Variants in PRKCA observed in about 807,000 individuals in gnomAD.
The protein encoded by PRKCA is protein kinase C alpha.
A neutral mutation model predicts 87.0 loss-of-function variants in PRKCA; 27 were observed. The observed-to-expected ratio is 0.31, with a 90% confidence interval of 0.23 to 0.43. The LOEUF (loss-of-function observed/expected upper bound fraction) is 0.43, where lower values mean the gene tolerates loss of function less well. PRKCA is among the 20% of genes least tolerant of loss of function. PRKCA has a pLI of 1.00. For missense variants in PRKCA, 518 were observed against 852.3 expected (o/e 0.61, Z 4.88); for synonymous variants, 329 against 311.1 (o/e 1.06, Z -0.61).
At chr17:66,441,719 T>C (rs1913774942) in intron 2 of PRKCA, among the ~76,000 whole-genome samples, 1 of 152,200 alleles carries the variant, frequency 6.6e-6, no homozygotes, top group Non-Finnish European at 1.5e-5. Flanking sequence ...AGTTTTCATG[T>C]TTTTGTTCTC....
At chr17:66,431,269 A>G (rs1294912936) in intron 2 of PRKCA, among the ~76,000 whole-genome samples, 1 of 152,166 alleles carries the variant, frequency 6.6e-6, no homozygotes, top group Admixed American at 6.5e-5. Context: ...TACGTGCTTT[A>G]TGTTGCGCAA....
At chr17:66,748,195 T>C (rs1178125732) in intron 13 of PRKCA, among the ~76,000 whole-genome samples, 1 of 152,216 alleles carries the variant, frequency 6.6e-6, no homozygotes, top group Non-Finnish European at 1.5e-5. Context: ...TCCAGAGAGC[T>C]GAAGAGCCAT....
At chr17:66,777,421 T>TGGG in intron 14 of PRKCA, 1 of 256,682 alleles carries the variant, frequency 3.9e-6, no homozygotes, top group Non-Finnish European at 5.8e-6. Context: ...TTTATTTAGT[T>TGGG]CCCCTCCCCC....
At chr17:66,373,231 C>A (rs1181190554) in intron 2 of PRKCA, among the ~76,000 whole-genome samples, 3 of 152,124 alleles carry the variant, frequency 2.0e-5, no homozygotes, top group African/African-American at 7.2e-5. Flanking sequence ...AAAAAAATAT[C>A]ATAATACAGC....
At chr17:66,429,732 C>A (rs974037805) in intron 2 of PRKCA, among the ~76,000 whole-genome samples, 1 of 152,102 alleles carries the variant, frequency 6.6e-6, no homozygotes, top group Non-Finnish European at 1.5e-5. Flanking sequence ...CCTGCCTGTA[C>A]CTCCCTGCAA....
intron 2 of PRKCA, among the ~76,000 whole-genome samples, chr17:66,340,231 G>GCAATGGC (rs972214982): frequency 6.6e-6 from 1 of 152,102 alleles, no homozygotes; most frequent in Admixed American, 6.5e-5. Context: ...TTACTCCAAA[G>GCAATGGC]CAATGGCCTT....
chr17:66,645,049 A>G (rs1324157509), intron 4 of PRKCA, among the ~76,000 whole-genome samples: 5 of 152,194 alleles, frequency 3.3e-5, no homozygotes, highest in African/African-American at 1.2e-4. Context: ...CTGTGTACAT[A>G]AAATATGAAT....
At chr17:66,650,457 A>C (rs904427880) in intron 5 of PRKCA, among the ~76,000 whole-genome samples, 1 of 152,138 alleles carries the variant, frequency 6.6e-6, no homozygotes, top group African/African-American at 2.4e-5. Flanking sequence ...AAAATCCCTC[A>C]TGGGAACCAA....
chr17:66,592,139 G>C (rs563183488), intron 3 of PRKCA, among the ~76,000 whole-genome samples: 1 of 152,208 alleles, frequency 6.6e-6, no homozygotes, highest in South Asian at 2.1e-4. Flanking sequence ...CAGATCACCT[G>C]AGGTCAGGAG....
In PRKCA at chr17:66,714,013, G is replaced by A. The variant is rs557242243; in HGVS notation, c.919-18675G>A. On this transcript the variant is annotated intron_variant, in intron 8 of 16. Transcript: ENST00000413366. The stretch of plus-strand genomic sequence containing the variant: ...TGCTCACAGCCTGTAGATACCCTTA[G>A]GGTCACAATAATTGTATTAATTTAG... Among the ~76,000 whole-genome samples the A allele has an allele frequency of 8.5e-5, 13 of 152,238 alleles. No individual in the cohort carries two copies. In the South Asian group the frequency reaches 2.5e-3, roughly 29 times the overall value.
At chr17:66,684,183 C>A (rs11868882) in intron 5 of PRKCA, among the ~76,000 whole-genome samples, 5 of 152,144 alleles carry the variant, frequency 3.3e-5, no homozygotes, top group Non-Finnish European at 2.9e-5. Context: ...AGATTGTTCT[C>A]CACCAGTAAC....
intron 16 of PRKCA, among the ~76,000 whole-genome samples, chr17:66,797,667 T>C (rs1476626268): frequency 2.0e-5 from 3 of 152,150 alleles, no homozygotes; most frequent in Admixed American, 6.5e-5. Context: ...GCTATATACA[T>C]TGGGGCTCTT....
At chr17:66,388,380 C>T (rs112561087) in intron 2 of PRKCA, among the ~76,000 whole-genome samples, 1,795 of 152,104 alleles carry the variant, frequency 0.012, 32 homozygotes, top group African/African-American at 0.041. Context: ...CTGCAACCTC[C>T]GCCTCCCAGG....
chr17:66,328,567 A>G (rs1238527528), intron 2 of PRKCA, among the ~76,000 whole-genome samples: 1 of 151,994 alleles, frequency 6.6e-6, no homozygotes, highest in Non-Finnish European at 1.5e-5. Context: ...GGAGGCTGAA[A>G]TGGGCAGATC....
In PRKCA at chr17:66,774,079, C is replaced by T. The variant is rs1242107718; in HGVS notation, c.1605+12C>T. The T allele has an allele frequency of 5.6e-6, 9 of 1,613,878 alleles. No homozygotes were observed. In the East Asian group the frequency reaches 1.1e-4, roughly 20 times the overall value. ...TGCTTGCCGGGCAGGTAATGTTTTGCTACATTTTCATGTTTGTTTATTGCT... is the reference window on the plus strand; with the variant it reads ...TGCTTGCCGGGCAGGTAATGTTTTGTTACATTTTCATGTTTGTTTATTGCT... On this transcript the variant is annotated intron_variant, in intron 14 of 16. Transcript: ENST00000413366.
At chr17:66,565,058 A>G (rs1359692787) in intron 3 of PRKCA, among the ~76,000 whole-genome samples, 1 of 152,130 alleles carries the variant, frequency 6.6e-6, no homozygotes, top group East Asian at 1.9e-4. Flanking sequence ...AGGCTTTAGG[A>G]TATGTCCCGG....
intron 8 of PRKCA, among the ~76,000 whole-genome samples, chr17:66,702,803 G>A (rs1973095929): frequency 6.6e-6 from 1 of 152,118 alleles, no homozygotes; most frequent in Non-Finnish European, 1.5e-5. Flanking sequence ...AGCATAGATG[G>A]TATAACCTAT....
chr17:66,554,849 C>G (rs1483526458), intron 3 of PRKCA, among the ~76,000 whole-genome samples: 1 of 151,410 alleles, frequency 6.6e-6, no homozygotes, highest in Non-Finnish European at 1.5e-5. Flanking sequence ...ACTTGTGATT[C>G]CACGTTGTCA....
rs1344696152 is a variant in PRKCA, at chr17:66,613,987, C to T, written c.289-27368C>T. 1.3e-5 allele frequency among the ~76,000 whole-genome samples: 2 copies of T among 151,936 alleles called. 1 individual carries two copies. Among genetic ancestry groups the T allele is most frequent in the Non-Finnish European group, 2.9e-5 (2 of 67,984 alleles). ...TGTATTTTCAGTAGAGATGGGGTTT[C>T]ACCAAGATGGCCAGGCTTGTCTTGA... On this transcript the variant is annotated intron_variant, in intron 3 of 16. Coordinates refer to ENST00000413366, the MANE Select transcript of PRKCA (RefSeq NM_002737.3).
Sources: gnomAD v4.1 joint callset for allele counts (sites outside exome capture counted in the v4.1 genomes callset) on GRCh38, gnomAD v4.1.1 for gene constraint, MANE v1.5 for transcripts, NCBI Gene and HGNC (gene_info 2026-07-23, HGNC 2026-07-21) for gene names.